The following UBE2L3 variants were observed in gnomAD, a reference collection of about 807,000 sequenced individuals.
UBE2L3 encodes the protein ubiquitin conjugating enzyme E2 L3.
UBE2L3 carries 1 observed loss-of-function variant against 17.8 expected under a neutral mutation model. The ratio of observed to expected loss-of-function variants is 0.06; its 90% CI spans 0.02 to 0.27. UBE2L3 has a LOEUF of 0.27. Among genes scored for constraint, UBE2L3 ranks in the 10% least tolerant of loss-of-function variants. The probability of loss-of-function intolerance (pLI) is 1.00; values close to 1 mark genes in which losing one functional copy is unlikely to be tolerated. For missense variants in UBE2L3, 40 were observed against 192.6 expected, an observed-to-expected ratio of 0.21 and a Z score of 4.69; for synonymous variants, 44 against 68.5, an observed-to-expected ratio of 0.64 and a Z score of 1.76.
intron 1 of UBE2L3, among the ~76,000 whole-genome samples, chr22:21,568,718 C>G (rs1311751916): frequency 1.3e-5 from 2 of 151,974 alleles, no homozygotes; most frequent in Admixed American, 6.6e-5. Flanking sequence ...GTAGTGCTGC[C>G]GGCCTGCAAC....
intron 1 of UBE2L3, among the ~76,000 whole-genome samples, chr22:21,562,507 G>T (rs1439381518): frequency 6.6e-6 from 1 of 151,668 alleles, no homozygotes; most frequent in Non-Finnish European, 1.5e-5. Context: ...GAGTAGCTGG[G>T]ACCACAAGCA....
At chr22:21,562,234 A>G (rs1016315704) in intron 1 of UBE2L3, among the ~76,000 whole-genome samples, 7 of 132,116 alleles carry the variant, frequency 5.3e-5, no homozygotes, top group East Asian at 2.2e-4. Flanking sequence ...TCGCTCTGTC[A>G]CCCAGGCTGG....
intron 1 of UBE2L3, among the ~76,000 whole-genome samples, chr22:21,569,717 T>C (rs973711964): frequency 6.6e-6 from 1 of 152,232 alleles, no homozygotes; most frequent in Non-Finnish European, 1.5e-5. Flanking sequence ...TTGCACCTAA[T>C]CACAGTAGCT....
intron 3 of UBE2L3, among the ~76,000 whole-genome samples, chr22:21,612,311 C>T (rs1303051241): frequency 6.6e-6 from 1 of 152,060 alleles, no homozygotes; most frequent in Non-Finnish European, 1.5e-5. Context: ...CTTCTCAGTG[C>T]CTGGTTTTTT....
chr22:21,568,215 G>T (rs972515238), intron 1 of UBE2L3: 4 of 990,254 alleles, frequency 4.0e-6, no homozygotes, highest in Non-Finnish European at 4.8e-6. Context: ...CGGGCTTGCA[G>T]CTCCGCTTGG....
chr22:21,608,741 A>ATTTTTTTTTTTT (rs779049247), intron 2 of UBE2L3, among the ~76,000 whole-genome samples: 1 of 109,860 alleles, frequency 9.1e-6, no homozygotes, highest in Non-Finnish European at 1.8e-5. Flanking sequence ...AATATATTTA[A>ATTTTTTTTTTTT]TTTTTTTTTT....
chr22:21,567,811 C>T (rs779886066), intron 1 of UBE2L3, 40 bp downstream of exon 1: 6 of 1,567,288 alleles, frequency 3.8e-6, no homozygotes, highest in South Asian at 2.3e-5. Context: ...CGTGGGGCGG[C>T]GTCCTAGGCT....
intron 1 of UBE2L3, among the ~76,000 whole-genome samples, chr22:21,558,085 C>A (rs1430328613): frequency 6.6e-6 from 1 of 150,996 alleles, no homozygotes; most frequent in Non-Finnish European, 1.5e-5. Flanking sequence ...TCTCTACAAC[C>A]CCAGTCTATG....
At chr22:21,578,154 G>A (rs1339940942) in intron 1 of UBE2L3, among the ~76,000 whole-genome samples, 2 of 151,958 alleles carry the variant, frequency 1.3e-5, no homozygotes, top group African/African-American at 2.4e-5. Context: ...TCAAGAGATC[G>A]AGACCATCCT....
intron 2 of UBE2L3, among the ~76,000 whole-genome samples, chr22:21,607,546 T>C (rs1929244278): frequency 6.6e-6 from 1 of 150,718 alleles, no homozygotes; most frequent in Admixed American, 6.6e-5. Flanking sequence ...AAGATTGTTC[T>C]TGGGCTCTCT....
intron 3 of UBE2L3, among the ~76,000 whole-genome samples, chr22:21,612,018 C>T (rs1388086359): frequency 6.6e-6 from 1 of 152,040 alleles, no homozygotes; most frequent in Non-Finnish European, 1.5e-5. Context: ...GCCACCAGTC[C>T]CTGTGGGAAT....
Position 21,592,901 on chromosome 22 carries a change from G to A in UBE2L3, c.68G>A (p.Arg23His). 2.5e-6 allele frequency: 4 copies of A among 1,613,904 alleles called. No homozygotes were observed. The highest frequency in any genetic ancestry group is 1.3e-5 in the African/African-American group (1 of 75,042). The change falls in exon 2 of 4, where the codon CGT becomes CAT. Residue 23 changes from arginine to histidine, a missense_variant. Physicochemically the swap from Arg to His is conservative, Grantham distance 29 (BLOSUM62 0). Transcript: ENST00000342192. ...CGCAAATGTGGGATGAAAAACTTCCGTAACATCCAGGTTGATGAAGCTAAT... is the reference window on the plus strand; with the variant it reads ...CGCAAATGTGGGATGAAAAACTTCCATAACATCCAGGTTGATGAAGCTAAT... ...EIRKCGMKNFRNIQVDEANLL... is the reference protein window; with the variant it reads ...EIRKCGMKNFHNIQVDEANLL...
chr22:21,564,037 C>CTTT (rs131661), upstream of UBE2L3, among the ~76,000 whole-genome samples: 9 of 138,106 alleles, frequency 6.5e-5, no homozygotes, highest in African/African-American at 2.1e-4. Flanking sequence ...TTCTTTCTTT[C>CTTT]TTTTTTTTTT....
chr22:21,589,929 C>A (rs1928165609), intron 1 of UBE2L3, among the ~76,000 whole-genome samples: 1 of 152,128 alleles, frequency 6.6e-6, no homozygotes, highest in Non-Finnish European at 1.5e-5. Context: ...GTTGCCCATT[C>A]TTCTTTCTGG....
chr22:21,576,970 ATTT>A (rs149443941), intron 1 of UBE2L3, among the ~76,000 whole-genome samples: 2 of 125,982 alleles, frequency 1.6e-5, no homozygotes, highest in Admixed American at 7.8e-5. Context: ...TGCCTGGCTA[ATTT>A]TTTTTTTTTT....
chr22:21,571,941 G>A (rs1446726197), intron 1 of UBE2L3, among the ~76,000 whole-genome samples: 1 of 152,182 alleles, frequency 6.6e-6, no homozygotes, highest in Non-Finnish European at 1.5e-5. Flanking sequence ...TGTTATGCCA[G>A]TGTAAATGTC....
intron 1 of UBE2L3, among the ~76,000 whole-genome samples, chr22:21,558,461 T>C (rs1406795428): frequency 6.6e-6 from 1 of 152,262 alleles, no homozygotes; most frequent in South Asian, 2.1e-4. Context: ...TGAAACCCCG[T>C]CTCTACTAAA....
At chr22:21,569,275 A>G (rs1926826204) in intron 1 of UBE2L3, among the ~76,000 whole-genome samples, 1 of 151,932 alleles carries the variant, frequency 6.6e-6, no homozygotes, top group South Asian at 2.1e-4. Context: ...ATTTGCCTGT[A>G]ATCTCAGCTA....
chr22:21,574,313 C>T (rs147039985), intron 1 of UBE2L3, among the ~76,000 whole-genome samples: 4 of 152,288 alleles, frequency 2.6e-5, no homozygotes, highest in African/African-American at 9.6e-5. Context: ...TGACCCTGGG[C>T]AAGTTACTTT....
Sources: allele counts gnomAD v4.1 joint callset (sites outside exome capture counted in the v4.1 genomes callset), GRCh38; gene constraint gnomAD v4.1.1; transcripts MANE v1.5; gene names NCBI Gene and HGNC (gene_info 2026-07-23, HGNC 2026-07-21).